Variants in GNA14 observed in about 807,000 individuals in gnomAD.
The protein encoded by GNA14 is G protein subunit alpha 14.
In GNA14, 50 loss-of-function variants were observed where a neutral mutation model predicts 42.0. The observed-to-expected ratio is 1.19, with a 90% CI of 0.95 to 1.51. The LOEUF is 1.51. Among genes scored for constraint, GNA14 ranks in the 40% most tolerant of loss-of-function variants. The pLI is 0.00. For synonymous variants in GNA14, 173 were observed against 163.1 expected (o/e 1.06, Z -0.46); for missense variants, 473 against 446.2 (o/e 1.06, Z -0.54).
At chr9:77,476,828 C>G (rs1836435303) in intron 2 of GNA14, among the ~76,000 whole-genome samples, 1 of 152,148 alleles carries the variant, frequency 6.6e-6, no homozygotes, top group Non-Finnish European at 1.5e-5. Context: ...CAAAAGAAGT[C>G]AGTGGGTTCA....
At chr9:77,578,388 C>G (rs1823162941) in intron 1 of GNA14, among the ~76,000 whole-genome samples, 1 of 152,164 alleles carries the variant, frequency 6.6e-6, no homozygotes, top group Non-Finnish European at 1.5e-5. Flanking sequence ...TCACATAACT[C>G]TAGAAAACTC....
chr9:77,619,328 T>A lies in GNA14; in HGVS notation c.124+28342A>T, dbSNP rs1052479276. On this transcript the variant is annotated intron_variant, in intron 1 of 6. Coordinates refer to ENST00000341700, the MANE Select transcript of GNA14 (RefSeq NM_004297.4). Reference sequence around the variant, plus strand: ...TTCAAGTGATTGTCCTGCCTCAGCCTCCTGAGTAGCTGAGACTACAGGCGC... The same window carrying A: ...TTCAAGTGATTGTCCTGCCTCAGCCACCTGAGTAGCTGAGACTACAGGCGC... Among the ~76,000 whole-genome samples, 7 of 152,154 alleles carry A rather than the reference T, an allele frequency of 4.6e-5. No homozygotes were observed. In the East Asian group the frequency reaches 1.3e-3, roughly 29 times the overall value.
rs115489230 is a variant in GNA14 at position 77,522,943 on chromosome 9, G to A, written c.309+6126C>T. Among the ~76,000 whole-genome samples the A allele has an allele frequency of 2.3e-3, 343 of 152,298 alleles. 1 individual carries two copies. Among genetic ancestry groups the A allele is most frequent in the African/African-American group, 7.7e-3 (321 of 41,562 alleles). On this transcript the variant is annotated intron_variant, in intron 2 of 6. Transcript: ENST00000341700. The stretch of plus-strand genomic sequence containing the variant: ...AAAATTCGCAGAGGCCTTGTGAGTC[G>A]ATTCAAATAAAAACATTCAACCTTT...
chr9:77,620,244 G>A (rs1170428583), intron 1 of GNA14, among the ~76,000 whole-genome samples: 1 of 152,174 alleles, frequency 6.6e-6, no homozygotes, highest in Admixed American at 6.5e-5. Context: ...TTACTGATGA[G>A]GAGCCTCTGT....
intron 2 of GNA14, among the ~76,000 whole-genome samples, chr9:77,525,655 C>T (rs1837422495): frequency 6.6e-6 from 1 of 151,754 alleles, no homozygotes; most frequent in African/African-American, 2.4e-5. Flanking sequence ...TCTCCTACCT[C>T]AGCCTCCCGA....
At chr9:77,568,721 T>C (rs1013720786) in intron 1 of GNA14, among the ~76,000 whole-genome samples, 19 of 152,162 alleles carry the variant, frequency 1.2e-4, no homozygotes, top group African/African-American at 4.1e-4. Context: ...GGTACAGGGA[T>C]GGTGAAGTCT....
chr9:77,624,672 C>G (rs1823986694), intron 1 of GNA14, among the ~76,000 whole-genome samples: 1 of 152,190 alleles, frequency 6.6e-6, no homozygotes, highest in Non-Finnish European at 1.5e-5. Flanking sequence ...AGACCTGCAG[C>G]AGAGGGGCCT....
intron 1 of GNA14, among the ~76,000 whole-genome samples, chr9:77,541,226 AGTG>A (rs1837657770): frequency 6.6e-6 from 1 of 152,126 alleles, no homozygotes; most frequent in Non-Finnish European, 1.5e-5. Flanking sequence ...CAGCCGGTCT[AGTG>A]GTCATAAATT....
chr9:77,491,178 G>T (rs533644125), intron 2 of GNA14, among the ~76,000 whole-genome samples: 241 of 152,332 alleles, frequency 1.6e-3, no homozygotes, highest in Middle Eastern at 3.4e-3. Flanking sequence ...AAAGCTGAGA[G>T]AATTCACCAG....
At chr9:77,503,144 T>C (rs1837001987) in intron 2 of GNA14, among the ~76,000 whole-genome samples, 1 of 152,202 alleles carries the variant, frequency 6.6e-6, no homozygotes, top group South Asian at 2.1e-4. Context: ...TTAGTTGTAC[T>C]TAGCAGAAGG....
chr9:77,515,305 A>T (rs569836181), intron 2 of GNA14, among the ~76,000 whole-genome samples: 1 of 152,330 alleles, frequency 6.6e-6, no homozygotes, highest in South Asian at 2.1e-4. Context: ...AGACGTGGGC[A>T]GGCAAAGAGG....
chr9:77,636,745 C>A (rs1354172897), intron 1 of GNA14, among the ~76,000 whole-genome samples: 2 of 152,206 alleles, frequency 1.3e-5, no homozygotes, highest in Non-Finnish European at 2.9e-5. Flanking sequence ...CTAATCTATT[C>A]TTGAGGGATC....
At chr9:77,592,985 T>C (rs975880076) in intron 1 of GNA14, among the ~76,000 whole-genome samples, 1 of 152,050 alleles carries the variant, frequency 6.6e-6, no homozygotes, top group Non-Finnish European at 1.5e-5. Flanking sequence ...GCTGGGCTGT[T>C]TCAATGATCA....
chr9:77,493,318 C>G (rs1184538450), intron 2 of GNA14, among the ~76,000 whole-genome samples: 1 of 151,956 alleles, frequency 6.6e-6, no homozygotes, highest in Non-Finnish European at 1.5e-5. Context: ...TTACAAATGT[C>G]AAAGGCTTTA....
At chr9:77,596,545 C>T (rs1437104168) in intron 1 of GNA14, among the ~76,000 whole-genome samples, 1 of 152,110 alleles carries the variant, frequency 6.6e-6, no homozygotes, top group African/African-American at 2.4e-5. Flanking sequence ...TGTGATATGG[C>T]ATAGACTATA....
At chr9:77,642,679 G>C (rs758430899) in intron 1 of GNA14, among the ~76,000 whole-genome samples, 1 of 152,126 alleles carries the variant, frequency 6.6e-6, no homozygotes, top group Non-Finnish European at 1.5e-5. Flanking sequence ...TGAGGCAGGA[G>C]AATCACTTGA....
intron 1 of GNA14, among the ~76,000 whole-genome samples, chr9:77,618,581 A>AATATATATAT (rs1181899033): frequency 3.3e-4 from 14 of 42,608 alleles, no homozygotes; most frequent in East Asian, 1.2e-3. Flanking sequence ...ATTACATTTG[A>AATATATATAT]ATATATATAT....
chr9:77,541,098 C>T lies in GNA14; in HGVS notation c.125-11845G>A, dbSNP rs186848794. 2.9e-3 allele frequency among the ~76,000 whole-genome samples: 442 copies of T among 152,060 alleles called. 3 individuals carry two copies. Among genetic ancestry groups the T allele is most frequent in the African/African-American group, 0.01 (431 of 41,498 alleles). ...TATCACTTGAGTCCTTTCTCTTCCTCATTTGTGTGTTTGGTTAACCAATGG... is the reference window on the plus strand; with the variant it reads ...TATCACTTGAGTCCTTTCTCTTCCTTATTTGTGTGTTTGGTTAACCAATGG... On this transcript the variant is annotated intron_variant, in intron 1 of 6. Coordinates refer to ENST00000341700, the MANE Select transcript of GNA14 (RefSeq NM_004297.4).
chr9:77,437,894 G>A (rs1236819677), intron 2 of GNA14, among the ~76,000 whole-genome samples: 1 of 152,188 alleles, frequency 6.6e-6, no homozygotes, highest in Admixed American at 6.5e-5. Context: ...AGTTGTTAGT[G>A]CGGCATGACC....
Sources: allele counts gnomAD v4.1 joint callset (sites outside exome capture counted in the v4.1 genomes callset), GRCh38; gene constraint gnomAD v4.1.1; transcripts MANE v1.5; gene names NCBI Gene and HGNC (gene_info 2026-07-23, HGNC 2026-07-21).